Variants in NEK6 observed in about 807,000 individuals in gnomAD.
NEK6 encodes the protein serine/threonine-protein kinase Nek6.
In NEK6, 27 loss-of-function variants were observed where a neutral mutation model predicts 43.5. The observed-to-expected ratio is 0.62, with a 90% CI of 0.46 to 0.86. The LOEUF (loss-of-function observed/expected upper bound fraction) is 0.86, where lower values mean the gene tolerates loss of function less well. NEK6 is among the 40% of genes least tolerant of loss of function. The probability of loss-of-function intolerance (pLI) is 0.00; values close to 1 mark genes in which losing one functional copy is unlikely to be tolerated. For missense variants in NEK6, 318 were observed against 414.4 expected, an observed-to-expected ratio of 0.77 and a Z score of 2.02; for synonymous variants, 167 against 164.1, an observed-to-expected ratio of 1.02 and a Z score of -0.14.
intron 1 of NEK6, among the ~76,000 whole-genome samples, chr9:124,269,634 A>T (rs1181645735): frequency 6.6e-6 from 1 of 152,114 alleles, no homozygotes; most frequent in Non-Finnish European, 1.5e-5. Context: ...TCTAAATCAC[A>T]GGAAAGGAAG....
intron 4 of NEK6, among the ~76,000 whole-genome samples, chr9:124,314,319 C>T (rs991088211): frequency 6.6e-6 from 1 of 152,176 alleles, no homozygotes; most frequent in African/African-American, 2.4e-5. Context: ...GCCTATGGAC[C>T]AGGCTTGGCT....
At chr9:124,291,560 A>G (rs1025659576) in intron 1 of NEK6, among the ~76,000 whole-genome samples, 2 of 152,192 alleles carry the variant, frequency 1.3e-5, no homozygotes, top group Non-Finnish European at 2.9e-5. Flanking sequence ...TCGGAGGCGG[A>G]GGTTGCGGTG....
Position 124,326,215 on chromosome 9 carries a change from C to CCCCCCCCCCCCCCCCCCCCCCA in NEK6, c.406-112_406-111insCCCCCCCCCCCCCCCCCCACCC. ...TCAGTGGCTCAATCCCCCCCCCCCG[C>CCCCCCCCCCCCCCCCCCCCCCA]CCCTGCCAGGCACCAGTTACCCACT... On this transcript the variant is annotated intron_variant, in intron 5 of 9. Transcript: ENST00000320246. The surrounding 1 kb of genome is among the most constrained non-coding windows in gnomAD (Gnocchi z 4.5). 1 of 203,694 alleles carries CCCCCCCCCCCCCCCCCCCCCCA rather than the reference C, an allele frequency of 4.9e-6. No individual in the cohort carries two copies. Among genetic ancestry groups the CCCCCCCCCCCCCCCCCCCCCCA allele is most frequent in the Admixed American group, 4.4e-5 (1 of 22,902 alleles). The allele number at this position is 203,694 out of a possible 1,614,324, so 12.6% of individuals were successfully genotyped here. A position where few individuals can be genotyped will look rare whatever the true frequency, so the allele number is the denominator to read the frequency against.
intron 1 of NEK6, chr9:124,292,627 C>G (rs1043126916): frequency 1.4e-6 from 2 of 1,474,874 alleles, no homozygotes; most frequent in Non-Finnish European, 1.8e-6. Flanking sequence ...AGGGTAGTAG[C>G]TGCGGTTCTG....
intron 9 of NEK6, among the ~76,000 whole-genome samples, chr9:124,348,930 G>A (rs778119301): frequency 6.6e-6 from 1 of 152,246 alleles, no homozygotes; most frequent in Non-Finnish European, 1.5e-5. Context: ...ACCCACATGC[G>A]CAGCCACGGA....
intron 2 of NEK6, among the ~76,000 whole-genome samples, chr9:124,308,138 A>G (rs995663089): frequency 2.0e-5 from 3 of 152,176 alleles, no homozygotes; most frequent in African/African-American, 7.2e-5. Flanking sequence ...CCAAAGAGGA[A>G]ACTGAGGCCC....
Position 124,268,536 on chromosome 9 carries a change from C to T in NEK6, c.-30+10451C>T, listed in dbSNP as rs193021280. ...ATGCAGAAATGCAAATGGCACAGTCCGTAGTGGTTTGGACACTTGTGGTGT... is the reference window on the plus strand; with the variant it reads ...ATGCAGAAATGCAAATGGCACAGTCTGTAGTGGTTTGGACACTTGTGGTGT... On this transcript the variant is annotated intron_variant, in intron 1 of 9. Transcript: ENST00000320246. Among the ~76,000 whole-genome samples, 787 of 152,300 alleles carry T rather than the reference C, an allele frequency of 5.2e-3. 5 individuals are homozygous for T. Among genetic ancestry groups the T allele is most frequent in the Non-Finnish European group, 8.3e-3 (566 of 68,020 alleles).
chr9:124,295,488 C>T (rs1225135045), intron 1 of NEK6, among the ~76,000 whole-genome samples: 2 of 152,230 alleles, frequency 1.3e-5, no homozygotes, highest in Non-Finnish European at 2.9e-5. Context: ...TTCATTCAGT[C>T]AGTCATTTAT....
rs1162506606 is a variant in NEK6, at chr9:124,275,290, T to A, written c.-30+17205T>A. On this transcript the variant is annotated intron_variant, in intron 1 of 9. Transcript: ENST00000320246. The surrounding 1 kb of genome is among the most constrained non-coding windows in gnomAD (Gnocchi z 4.4). ...TTAAACCAGGGCCATTTCATCCACG[T>A]CACTAACTTGCCGGATGTCTTTGAG... Among the ~76,000 whole-genome samples the A allele has an allele frequency of 1.3e-5, 2 of 152,240 alleles. No individual in the cohort carries two copies. Among genetic ancestry groups the A allele is most frequent in the African/African-American group, 2.4e-5 (1 of 41,478 alleles).
At position 124,258,008 on chromosome 9, in the gene NEK6, G is replaced by T; in HGVS notation, c.-107G>T. 7.1e-6 allele frequency: 7 copies of T among 979,026 alleles called. No homozygotes were observed. Among genetic ancestry groups the T allele is most frequent in the Non-Finnish European group, 7.3e-6 (6 of 827,540 alleles). 60.6% of individuals were successfully genotyped at this position (979,026 alleles called of 1,614,324 possible). A position where few individuals can be genotyped will look rare whatever the true frequency, so the allele number is the denominator to read the frequency against. ...CGTGCGGCCGCTGCGCCGCAAACTC[G>T]TGTGGGACGCACCGCTCCAGCCGCC... On this transcript the variant is annotated 5_prime_UTR_variant, in exon 1 of 10. Transcript: ENST00000320246.
chr9:124,276,611 C>T (rs1831662391), intron 1 of NEK6, among the ~76,000 whole-genome samples: 1 of 152,226 alleles, frequency 6.6e-6, no homozygotes, highest in Admixed American at 6.5e-5. Flanking sequence ...GGGGCCAGTG[C>T]TTGAGCCTGA....
chr9:124,325,751 C>G (rs1274111844), intron 5 of NEK6, among the ~76,000 whole-genome samples: 1 of 152,202 alleles, frequency 6.6e-6, no homozygotes, highest in Non-Finnish European at 1.5e-5. Flanking sequence ...CAGACTGATG[C>G]CCGTTGGAAC....
chr9:124,287,530 C>G (rs922906721), intron 1 of NEK6, among the ~76,000 whole-genome samples: 2 of 152,208 alleles, frequency 1.3e-5, no homozygotes, highest in African/African-American at 4.8e-5. Context: ...TGTAGACCAT[C>G]AAGAACTGAC....
intron 1 of NEK6, chr9:124,292,779 C>A: frequency 7.5e-7 from 1 of 1,331,680 alleles, no homozygotes; most frequent in East Asian, 2.6e-5. Context: ...CCAGCCTCTC[C>A]TCTGCCAACT....
chr9:124,311,230 C>T (rs1833510775), intron 2 of NEK6, among the ~76,000 whole-genome samples: 2 of 152,316 alleles, frequency 1.3e-5, no homozygotes, highest in East Asian at 1.9e-4. Flanking sequence ...CGCCTCGGTA[C>T]GGTGCCCGGC....
intron 1 of NEK6, among the ~76,000 whole-genome samples, chr9:124,278,920 C>T (rs1014540468): frequency 6.6e-6 from 1 of 152,182 alleles, no homozygotes; most frequent in African/African-American, 2.4e-5. Flanking sequence ...GGACCAAGCA[C>T]GATCTCAGAC....
chr9:124,344,875 G>A (rs917327709), intron 8 of NEK6, among the ~76,000 whole-genome samples: 90 of 152,198 alleles, frequency 5.9e-4, no homozygotes, highest in African/African-American at 2.0e-3. Context: ...CTGCTTGGAC[G>A]GCAGAGAGGC....
At chr9:124,288,428 A>G (rs1007854765) in intron 1 of NEK6, among the ~76,000 whole-genome samples, 5 of 151,974 alleles carry the variant, frequency 3.3e-5, no homozygotes, top group Non-Finnish European at 7.4e-5. Flanking sequence ...GATTACAGGT[A>G]CCCGCCCCCA....
intron 1 of NEK6, among the ~76,000 whole-genome samples, chr9:124,267,414 A>T (rs892104013): frequency 1.3e-5 from 2 of 152,144 alleles, no homozygotes; most frequent in African/African-American, 4.8e-5. Flanking sequence ...GGCGTGCCGG[A>T]CTGAGTCAGT....
Sources: gnomAD v4.1 joint callset for allele counts (sites outside exome capture counted in the v4.1 genomes callset) on GRCh38, gnomAD v4.1.1 for gene constraint, Gnocchi (gnomAD v3.1) non-coding constraint, MANE v1.5 for transcripts, NCBI Gene and HGNC (gene_info 2026-07-23, HGNC 2026-07-21) for gene names.